ROBO1: variants seen among roughly 807,000 people sequenced by gnomAD.
The protein encoded by ROBO1 is roundabout homolog 1.
A neutral mutation model predicts 195.9 loss-of-function variants in ROBO1; 149 were observed. The ratio of observed to expected loss-of-function variants is 0.76; its 90% CI spans 0.67 to 0.87. ROBO1 has a LOEUF of 0.87. Ranked by LOEUF, ROBO1 falls within the 40% of genes least tolerant of loss-of-function variation. The probability of loss-of-function intolerance (pLI) is 0.00; values close to 1 mark genes in which losing one functional copy is unlikely to be tolerated. For synonymous variants in ROBO1, 816 were observed against 733.2 expected (o/e 1.11, Z -1.82); for missense variants, 1,933 against 2,068.3 (o/e 0.93, Z 1.27).
intron 4 of ROBO1, among the ~76,000 whole-genome samples, chr3:78,839,267 T>C (rs541809955): frequency 2.0e-4 from 30 of 152,218 alleles, no homozygotes; most frequent in African/African-American, 7.2e-4. Flanking sequence ...ACTACCATCA[T>C]ATGTATCATT....
chr3:78,966,426 G>A (rs939010943), intron 3 of ROBO1, among the ~76,000 whole-genome samples: 2 of 152,146 alleles, frequency 1.3e-5, no homozygotes, highest in Admixed American at 1.3e-4. Context: ...CATCACAGTC[G>A]ACGAGAGAGG....
At chr3:79,177,304 T>C (rs1390924559) in intron 2 of ROBO1, among the ~76,000 whole-genome samples, 1 of 152,242 alleles carries the variant, frequency 6.6e-6, no homozygotes, top group African/African-American at 2.4e-5. Context: ...TTGATCTTTA[T>C]TAGTTGCTAC....
chr3:78,691,571 C>T (rs2081176305), intron 8 of ROBO1, among the ~76,000 whole-genome samples: 1 of 152,096 alleles, frequency 6.6e-6, no homozygotes, highest in Non-Finnish European at 1.5e-5. Flanking sequence ...ATGTCAACAT[C>T]CTTCTGACAA....
At chr3:78,717,666 T>C (rs2081935667) in intron 6 of ROBO1, 97 bp downstream of exon 6, 2 of 1,355,002 alleles carry the variant, frequency 1.5e-6, no homozygotes, top group Non-Finnish European at 2.0e-6. Flanking sequence ...CCCCTAAAAA[T>C]ATTTGGCTTA....
intron 2 of ROBO1, among the ~76,000 whole-genome samples, chr3:79,546,673 A>G (rs957561031): frequency 1.4e-4 from 22 of 152,300 alleles, no homozygotes; most frequent in African/African-American, 4.3e-4. Flanking sequence ...TACACTCAGC[A>G]TTATGTCTCA....
chr3:79,653,401 AC>A (rs1190669472), intron 1 of ROBO1, among the ~76,000 whole-genome samples: 1 of 151,780 alleles, frequency 6.6e-6, no homozygotes, highest in Non-Finnish European at 1.5e-5. Flanking sequence ...AAAGCTAAAA[AC>A]CTCTCTCATA....
intron 1 of ROBO1, among the ~76,000 whole-genome samples, chr3:79,639,491 A>G (rs552526404): frequency 6.6e-6 from 1 of 152,268 alleles, no homozygotes; most frequent in African/African-American, 2.4e-5. Context: ...CCAGGTTGGA[A>G]AAAAACTCAT....
intron 4 of ROBO1, among the ~76,000 whole-genome samples, chr3:78,826,995 A>G (rs2031675117): frequency 6.6e-6 from 1 of 152,166 alleles, no homozygotes; most frequent in African/African-American, 2.4e-5. Context: ...ACGTACTTAA[A>G]TTTTATTTAT....
intron 4 of ROBO1, among the ~76,000 whole-genome samples, chr3:78,765,777 A>G (rs1005465422): frequency 6.6e-6 from 1 of 152,186 alleles, no homozygotes; most frequent in Non-Finnish European, 1.5e-5. Flanking sequence ...GGATTTCTCA[A>G]TGAATTCAGC....
intron 2 of ROBO1, among the ~76,000 whole-genome samples, chr3:79,460,617 C>A (rs1232201083): frequency 1.3e-5 from 2 of 152,086 alleles, no homozygotes; most frequent in Non-Finnish European, 2.9e-5. Context: ...TCTGACCCAC[C>A]CAGAAAATTA....
At chr3:78,763,768 G>A (rs2083161507) in intron 4 of ROBO1, among the ~76,000 whole-genome samples, 1 of 152,088 alleles carries the variant, frequency 6.6e-6, no homozygotes, top group Non-Finnish European at 1.5e-5. Context: ...AGAACTCCTT[G>A]GCCAACCTTC....
intron 2 of ROBO1, among the ~76,000 whole-genome samples, chr3:79,237,210 C>T (rs551575249): frequency 1.4e-4 from 21 of 152,216 alleles, no homozygotes; most frequent in African/African-American, 5.1e-4. Context: ...TGGCCGGGCG[C>T]GGTGGCTCAC....
chr3:78,829,721 A>G (rs2031973850), intron 4 of ROBO1, among the ~76,000 whole-genome samples: 1 of 152,152 alleles, frequency 6.6e-6, no homozygotes, highest in Non-Finnish European at 1.5e-5. Flanking sequence ...CTCCCTCTTG[A>G]GATAAGAAAA....
chr3:78,627,553 G>T lies in ROBO1; in HGVS notation c.3643C>A (p.Pro1215Thr). The T allele has an allele frequency of 1.2e-6, 2 of 1,612,046 alleles. No homozygotes were observed. The highest frequency in any genetic ancestry group is 2.2e-5 in the East Asian group (1 of 44,804). The stretch of plus-strand genomic sequence containing the variant: ...ATCCTTGCTGGTGGCACGGGACATG[G>T]CATTTCTTGGTCATAGCTAAAATAA... ...SVDESYDQEMPCPVPPARMYL... is the reference protein window; with the variant it reads ...SVDESYDQEMTCPVPPARMYL... The change falls in exon 26 of 31, where the codon CCA (proline) becomes ACA (threonine). Residue 1215 changes from proline to threonine, a missense_variant. Around this residue, in one of 3 missense-constraint regions of ROBO1, gnomAD observed 1,737 missense variants for 1,882.5 expected, o/e 0.92. Transcript: ENST00000464233.
intron 2 of ROBO1, among the ~76,000 whole-genome samples, chr3:79,498,309 T>A (rs1449882403): frequency 6.6e-6 from 1 of 152,208 alleles, no homozygotes; most frequent in Non-Finnish European, 1.5e-5. Context: ...GGAAGAGGTG[T>A]GAATGCATGA....
chr3:78,625,317 A>G (rs1013536399), intron 26 of ROBO1, among the ~76,000 whole-genome samples: 1 of 152,254 alleles, frequency 6.6e-6, no homozygotes, highest in African/African-American at 2.4e-5. Context: ...AGCTGATTTC[A>G]AAATGACAAA....
intron 2 of ROBO1, among the ~76,000 whole-genome samples, chr3:79,340,493 T>A (rs2034865513): frequency 6.6e-6 from 1 of 152,172 alleles, no homozygotes; most frequent in African/African-American, 2.4e-5. Context: ...AGAGTGGATG[T>A]GATGGTGGGC....
intron 5 of ROBO1, among the ~76,000 whole-genome samples, chr3:78,718,961 C>T (rs1315629181): frequency 6.6e-6 from 1 of 152,092 alleles, no homozygotes; most frequent in Non-Finnish European, 1.5e-5. Flanking sequence ...ATTGAAACTA[C>T]CACTTTGTAA....
Position 79,761,836 on chromosome 3 carries a change from T to A in ROBO1, c.-51+5916A>T, listed in dbSNP as rs1704715940. ...AATGCTAAATTAAGTGCCATATTGA[T>A]CTGACTGAATTGGAGAGCAATTGTT... On this transcript the variant is annotated intron_variant, in intron 1 of 30. Transcript: ENST00000464233. Among the ~76,000 whole-genome samples the A allele has an allele frequency of 2.6e-5, 4 of 152,162 alleles. No individual in the cohort carries two copies. The South Asian group carries it at 8.3e-4, about 31-fold the overall frequency.
Sources: gnomAD v4.1 joint callset for allele counts (sites outside exome capture counted in the v4.1 genomes callset) on GRCh38, gnomAD v4.1.1 for gene constraint, gnomAD v4.1.1 regional missense constraint, MANE v1.5 for transcripts, NCBI Gene and HGNC (gene_info 2026-07-23, HGNC 2026-07-21) for gene names.